The following NRXN3 variants were observed in gnomAD, a reference collection of about 807,000 sequenced individuals.
NRXN3 encodes neurexin III.
A neutral mutation model predicts 137.6 loss-of-function variants in NRXN3; 32 were observed. That is an observed-to-expected ratio of 0.23 (90% CI 0.18 to 0.31). The LOEUF (loss-of-function observed/expected upper bound fraction) is 0.31, where lower values mean the gene tolerates loss of function less well. NRXN3 is among the 10% of genes least tolerant of loss of function. NRXN3 has a pLI of 1.00. For missense variants in NRXN3, 1,574 were observed against 2,062.5 expected (o/e 0.76, Z 4.59); for synonymous variants, 798 against 784.5 (o/e 1.02, Z -0.29).
chr14:79,617,917 C>CAAAA (rs1162153685), intron 16 of NRXN3, among the ~76,000 whole-genome samples: 3 of 91,328 alleles, frequency 3.3e-5, no homozygotes, highest in African/African-American at 1.7e-4. Flanking sequence ...TGAATAGCAG[C>CAAAA]AAAAAAAAAA....
intron 15 of NRXN3, among the ~76,000 whole-genome samples, chr14:79,094,176 G>A (rs1290040887): frequency 6.6e-6 from 1 of 152,258 alleles, no homozygotes; most frequent in South Asian, 2.1e-4. Flanking sequence ...GGTTAGAAGG[G>A]GACATGGCAG....
intron 4 of NRXN3, among the ~76,000 whole-genome samples, chr14:78,365,653 CA>C (rs1477004145): frequency 1.3e-5 from 2 of 152,050 alleles, no homozygotes; most frequent in African/African-American, 4.8e-5. Context: ...CAGTCTTGAT[CA>C]GAGTGGAAGA....
chr14:78,245,376 A>C (rs759419465), intron 2 of NRXN3, among the ~76,000 whole-genome samples: 11 of 152,188 alleles, frequency 7.2e-5, no homozygotes, highest in Non-Finnish European at 1.6e-4. Context: ...CCTGTGCACA[A>C]TCAAGGTTAA....
chr14:79,167,133 G>A (rs2061353047), intron 15 of NRXN3, among the ~76,000 whole-genome samples: 1 of 151,940 alleles, frequency 6.6e-6, no homozygotes, highest in Non-Finnish European at 1.5e-5. Flanking sequence ...GCCCAGTTTT[G>A]TGCTATTTTC....
intron 19 of NRXN3, among the ~76,000 whole-genome samples, chr14:79,751,727 T>C (rs574889107): frequency 6.6e-6 from 1 of 150,924 alleles, no homozygotes; most frequent in South Asian, 2.1e-4. Flanking sequence ...ATAGCTCTTA[T>C]TATTTTGAGA....
chr14:78,531,263 T>G (rs2096457973), intron 4 of NRXN3, among the ~76,000 whole-genome samples: 1 of 152,156 alleles, frequency 6.6e-6, no homozygotes, highest in Non-Finnish European at 1.5e-5. Context: ...AGGTGAGGTT[T>G]TCTTCTTACA....
At chr14:78,889,953 G>A (rs1430475936) in intron 10 of NRXN3, among the ~76,000 whole-genome samples, 1 of 152,024 alleles carries the variant, frequency 6.6e-6, no homozygotes, top group Non-Finnish European at 1.5e-5. Context: ...AAGACGTAGA[G>A]ACTTGTGAAA....
chr14:79,043,714 A>G (rs1246811357), intron 15 of NRXN3, among the ~76,000 whole-genome samples: 1 of 152,090 alleles, frequency 6.6e-6, no homozygotes, highest in Admixed American at 6.6e-5. Flanking sequence ...TTTTGAGTGT[A>G]CACTGGCTGC....
chr14:78,251,840 G>A (rs1200232931), intron 2 of NRXN3, among the ~76,000 whole-genome samples: 1 of 152,158 alleles, frequency 6.6e-6, no homozygotes, highest in Admixed American at 6.5e-5. Context: ...TGCTGAAGTT[G>A]GGAGGTTTAG....
At chr14:78,619,753 G>T (rs1353741665) in intron 4 of NRXN3, among the ~76,000 whole-genome samples, 1 of 152,030 alleles carries the variant, frequency 6.6e-6, no homozygotes, top group Non-Finnish European at 1.5e-5. Flanking sequence ...GGTTTCCCAA[G>T]CCATGCTGAA....
intron 8 of NRXN3, among the ~76,000 whole-genome samples, 170 bp from the exon 9 acceptor site, chr14:78,803,450 C>A (rs1185960337): frequency 1.3e-5 from 2 of 152,156 alleles, no homozygotes; most frequent in African/African-American, 4.8e-5. Flanking sequence ...GTTAAGTGGT[C>A]TGCCCAGCGT....
intron 15 of NRXN3, among the ~76,000 whole-genome samples, chr14:79,082,886 C>T (rs950036839): frequency 2.6e-5 from 4 of 152,308 alleles, no homozygotes; most frequent in East Asian, 1.9e-4. Flanking sequence ...AGACCAGATA[C>T]ACATTGACAT....
intron 15 of NRXN3, among the ~76,000 whole-genome samples, chr14:79,447,514 C>T (rs1281998952): frequency 6.6e-6 from 1 of 152,114 alleles, no homozygotes; most frequent in Non-Finnish European, 1.5e-5. Flanking sequence ...TTTATCCTAC[C>T]AGGGTCCAAA....
intron 16 of NRXN3, among the ~76,000 whole-genome samples, chr14:79,586,496 G>T (rs1300995986): frequency 6.6e-6 from 1 of 152,126 alleles, no homozygotes; most frequent in Non-Finnish European, 1.5e-5. Context: ...AATTAACCCT[G>T]AAAAAGTATG....
At chr14:78,771,360 C>G (rs984645815) in intron 8 of NRXN3, among the ~76,000 whole-genome samples, 2 of 152,188 alleles carry the variant, frequency 1.3e-5, no homozygotes, top group African/African-American at 2.4e-5. Flanking sequence ...CATCCACATA[C>G]ATTTATTTAT....
chr14:79,243,406 A>T (rs2074619366), intron 15 of NRXN3, among the ~76,000 whole-genome samples: 1 of 152,136 alleles, frequency 6.6e-6, no homozygotes, highest in East Asian at 1.9e-4. Flanking sequence ...CTAAGAGTGT[A>T]ACCTATATAA....
At chr14:79,323,236 C>G (rs1274108965) in intron 15 of NRXN3, among the ~76,000 whole-genome samples, 4 of 152,112 alleles carry the variant, frequency 2.6e-5, no homozygotes, top group Non-Finnish European at 4.4e-5. Context: ...GCAACAAGCT[C>G]TCACTATGTT....
chr14:78,687,637 C>A (rs76711891), intron 6 of NRXN3, among the ~76,000 whole-genome samples: 117 of 152,132 alleles, frequency 7.7e-4, no homozygotes, highest in Non-Finnish European at 1.3e-3. Context: ...TGGCTGGTGG[C>A]TTTGCTTTGT....
intron 1 of NRXN3, among the ~76,000 whole-genome samples, chr14:78,223,192 A>G (rs2064061690): frequency 6.6e-6 from 1 of 152,332 alleles, no homozygotes; most frequent in African/African-American, 2.4e-5. Flanking sequence ...CACCTGCAAA[A>G]GGGGGAGGCT....
Sources: gnomAD v4.1 joint callset for allele counts (sites outside exome capture counted in the v4.1 genomes callset) on GRCh38, gnomAD v4.1.1 for gene constraint, MANE v1.5 for transcripts, NCBI Gene and HGNC (gene_info 2026-07-23, HGNC 2026-07-21) for gene names.